The following MINDY1 variants were observed in gnomAD, a reference collection of about 807,000 sequenced individuals.
The protein encoded by MINDY1 is MINDY lysine 48 deubiquitinase 1, also known as ubiquitin carboxyl-terminal hydrolase MINDY-1.
A neutral mutation model predicts 53.6 loss-of-function variants in MINDY1; 50 were observed. The ratio of observed to expected loss-of-function variants is 0.93; its 90% confidence interval spans 0.74 to 1.18. The LOEUF is 1.18. MINDY1 is among the 50% of genes most tolerant of loss of function. MINDY1 has a pLI of 0.00. For synonymous variants in MINDY1, 231 were observed against 234.7 expected (o/e 0.98, Z 0.14); for missense variants, 484 against 578.6 (o/e 0.84, Z 1.68).
rs1018543765 is a variant in MINDY1, at chr1:150,999,153, G to T, written c.981+216C>A. 6.6e-6 allele frequency among the ~76,000 whole-genome samples: 1 copy of T among 152,074 alleles called. No individual in the cohort carries two copies. Among genetic ancestry groups the T allele is most frequent in the Non-Finnish European group, 1.5e-5 (1 of 68,030 alleles). On this transcript the variant is annotated intron_variant, in intron 7 of 9. Transcript: ENST00000683666. This position sits in a 1 kb window ranked among gnomAD's most constrained non-coding sequence, Gnocchi z 4.4. ...CCAGATAAAGGATCTTTTGTCAGCT[G>T]GGTCCCAGAGTGAAGATGGTGTGGG...
In MINDY1 at chr1:151,002,113, G is replaced by T; in HGVS notation, c.453+52C>A. ...TCAGGATGATCAAGGAAGTAAGTCA[G>T]GGAAGAGTACTCCCTGATATTTTTT... On this transcript the variant is annotated intron_variant, in intron 2 of 9. Transcript: ENST00000683666. This position sits in a 1 kb window ranked among gnomAD's most constrained non-coding sequence, Gnocchi z 4.1. 6.6e-7 allele frequency: 1 copy of T among 1,511,632 alleles called. No homozygotes were observed. Among genetic ancestry groups the T allele is most frequent in the South Asian group, 1.3e-5 (1 of 77,148 alleles). 93.6% of individuals were successfully genotyped at this position (1,511,632 alleles called of 1,614,324 possible).
In MINDY1 at chr1:150,997,278, G is replaced by A. The variant is rs755969150; in HGVS notation, c.*9C>T. 1.8e-5 allele frequency: 28 copies of A among 1,580,608 alleles called. No individual in the cohort carries two copies. Among genetic ancestry groups the A allele is most frequent in the Non-Finnish European group, 2.4e-5 (28 of 1,161,218 alleles). ...AGAAGGGGCAGGCCAGCCTGGCACT[G>A]GGGCAGAGCTACAGCAGAATGCAGT... On this transcript the variant is annotated 3_prime_UTR_variant, in exon 10 of 10. Transcript: ENST00000683666.
downstream of MINDY1, chr1:150,996,553 T>G (rs1671862913): frequency 1.3e-5 from 2 of 152,050 alleles, no homozygotes; most frequent in South Asian, 4.2e-4. Context: ...AGAAGGTTTT[T>G]TTTTTTTTTA....
chr1:151,003,136 T>C (rs909329730), intron 1 of MINDY1, among the ~76,000 whole-genome samples: 7 of 152,142 alleles, frequency 4.6e-5, no homozygotes, highest in Admixed American at 1.3e-4. Context: ...AACCCCCTCA[T>C]AGCCATGACA....
chr1:150,997,562 T>C (rs753715264), intron 9 of MINDY1, 62 bp downstream of exon 9: 1 of 1,601,622 alleles, frequency 6.2e-7, no homozygotes, highest in Non-Finnish European at 8.5e-7. Flanking sequence ...ATAACAGGTG[T>C]TCTGGACCCG....
chr1:151,004,524 G>A (rs1167440638), intron 1 of MINDY1, among the ~76,000 whole-genome samples: 3 of 151,972 alleles, frequency 2.0e-5, no homozygotes, highest in Non-Finnish European at 2.9e-5. Context: ...GAGGTCAGGA[G>A]ATCGAGACCA....
chr1:151,008,323 G>T, upstream of MINDY1: 1 of 1,317,762 alleles, frequency 7.6e-7, no homozygotes. Flanking sequence ...CGGAGTTGCG[G>T]GACTACGTTT....
At chr1:151,005,951 G>A in intron 1 of MINDY1, 1 of 1,041,972 alleles carries the variant, frequency 9.6e-7, no homozygotes, top group Non-Finnish European at 1.3e-6. Flanking sequence ...GTAGCTTCAA[G>A]AAGACACTCC....
In MINDY1 at chr1:151,002,519, C is replaced by T; in HGVS notation, c.99G>A (p.Glu33=). ...ENHEVLAGPD[E]HPQDTDARDA... ...CTCTTGCATCTGTGTCCTGAGGGTG[C>T]TCATCTGGGCCTGCCAGAACCTCAT... Residue 33 remains glutamate (E), a synonymous_variant, in exon 2 of 10, where the codon GAG becomes GAA. Coordinates refer to ENST00000683666, the MANE Select transcript of MINDY1 (RefSeq NM_001376665.1). The surrounding 1 kb of genome is among the most constrained non-coding windows in gnomAD (Gnocchi z 4.1). 3 of 1,614,190 alleles carry T rather than the reference C, an allele frequency of 1.9e-6. No individual in the cohort carries two copies. Among genetic ancestry groups the T allele is most frequent in the Non-Finnish European group, 2.5e-6 (3 of 1,180,030 alleles).
rs746043508 is a variant in MINDY1 at position 151,001,293 on chromosome 1, T to C, written c.533A>G (p.Lys178Arg). Reference sequence around the variant, plus strand: ...AAGTCCCTCTGACTTCTCCTGGGGCTTGATGGACAGGAGGCAGTTTCCTAC... The same window carrying C: ...AAGTCCCTCTGACTTCTCCTGGGGCCTGATGGACAGGAGGCAGTTTCCTAC... ...AHLGNCLLSI[K>R]PQEKSEGLQL... The change falls in exon 4 of 10, where the codon AAG becomes AGG. Residue 178 changes from lysine to arginine, a missense_variant. Physicochemically the swap from Lys to Arg is conservative, Grantham distance 26 (BLOSUM62 2). Coordinates refer to ENST00000683666, the MANE Select transcript of MINDY1 (RefSeq NM_001376665.1). 114 of 1,614,042 alleles carry C rather than the reference T, an allele frequency of 7.1e-5. No individual in the cohort carries two copies. Among genetic ancestry groups the C allele is most frequent in the Non-Finnish European group, 9.2e-5 (109 of 1,180,028 alleles).
intron 4 of MINDY1, among the ~76,000 whole-genome samples, chr1:151,001,010 C>T (rs1385634188): frequency 6.6e-6 from 1 of 152,022 alleles, no homozygotes; most frequent in East Asian, 1.9e-4. Flanking sequence ...AGGCTGGCCT[C>T]GAACTCCTGG....
In MINDY1 at chr1:151,002,928, G is replaced by A; in HGVS notation, c.-89-222C>T. On this transcript the variant is annotated intron_variant, in intron 1 of 9. Coordinates refer to ENST00000683666, the MANE Select transcript of MINDY1 (RefSeq NM_001376665.1). The surrounding 1 kb of genome is among the most constrained non-coding windows in gnomAD (Gnocchi z 4.1). ...TCGTGGGGCTTCCAGACTTGGGAGGGAAGACTGGTGGGATTGAACACATGG... is the reference window on the plus strand; with the variant it reads ...TCGTGGGGCTTCCAGACTTGGGAGGAAAGACTGGTGGGATTGAACACATGG... The A allele has an allele frequency of 7.4e-7, 1 of 1,353,928 alleles. No individual in the cohort carries two copies. The highest frequency in any genetic ancestry group is 9.5e-7 in the Non-Finnish European group (1 of 1,053,178). 83.9% of individuals were successfully genotyped at this position (1,353,928 alleles called of 1,614,324 possible). A position where few individuals can be genotyped will look rare whatever the true frequency, so the allele number is the denominator to read the frequency against.
rs375127079 is a variant in MINDY1 at position 151,000,647 on chromosome 1, T to C, written c.577-32A>G. The C allele has an allele frequency of 4.4e-6, 7 of 1,590,364 alleles. No homozygotes were observed. The African/African-American group carries it at 8.1e-5, about 18-fold the overall frequency. ...GTAGAAAAAAAAATGATGGAGATTC[T>C]AGCCTTCTCTCCCACCACTCCACTC... On this transcript the variant is annotated intron_variant, in intron 4 of 9. Coordinates refer to ENST00000683666, the MANE Select transcript of MINDY1 (RefSeq NM_001376665.1).
rs1167153458 is a variant in MINDY1, at chr1:151,006,583, T to A, written c.-361A>T. The A allele has an allele frequency of 1.0e-6, 1 of 992,274 alleles. No homozygotes were observed. Among genetic ancestry groups the A allele is most frequent in the Non-Finnish European group, 1.2e-6 (1 of 834,696 alleles). 61.5% of individuals were successfully genotyped at this position (992,274 alleles called of 1,614,324 possible). On this transcript the variant is annotated 5_prime_UTR_variant, in exon 1 of 10. An upstream open reading frame in the 5' UTR gains an earlier in-frame stop. Coordinates refer to ENST00000683666, the MANE Select transcript of MINDY1 (RefSeq NM_001376665.1). ...GTGCTCCAGGTCGCTCAGAGAGTCT[T>A]CAGGATTCCTGAGTCGCCGAGTCTA...
intron 7 of MINDY1, 37 bp from the exon 8 acceptor site, chr1:150,998,310 T>C (rs1219732099): frequency 6.4e-7 from 1 of 1,568,318 alleles, no homozygotes; most frequent in African/African-American, 1.4e-5. Context: ...GGGGGGACAG[T>C]TGATACGGAG....
rs770653066 is a variant in MINDY1, at chr1:150,997,360, C to T, written c.1337G>A (p.Gly446Glu). The T allele has an allele frequency of 5.0e-5, 80 of 1,600,190 alleles. No homozygotes were observed. Among genetic ancestry groups the T allele is most frequent in the South Asian group, 2.5e-4 (22 of 88,882 alleles). The change falls in exon 10 of 10, where the codon GGA becomes GAA. Residue 446 changes from glycine to glutamate, a missense_variant. Coordinates refer to ENST00000683666, the MANE Select transcript of MINDY1 (RefSeq NM_001376665.1). ...CCCGGCTGGGCGTCCAGATGTGGCT[C>T]CTCTCCCCTGTATCGGATTTAACAA... is the stretch of plus-strand genomic sequence containing the variant. ...RTRVLSLQGR[G>E]ATSGRPAGER...
intron 5 of MINDY1, 77 bp downstream of exon 5, chr1:151,000,380 C>A (rs772931318): frequency 2.0e-6 from 3 of 1,484,364 alleles, no homozygotes; most frequent in South Asian, 1.3e-5. Context: ...AACTCCCTAA[C>A]CTCTACCCGA....
intron 8 of MINDY1, 99 bp downstream of exon 8, chr1:150,997,983 G>A: frequency 7.5e-7 from 1 of 1,329,938 alleles, no homozygotes; most frequent in Non-Finnish European, 1.0e-6. Flanking sequence ...CAGAGAGAGA[G>A]GCATGGGTTC....
intron 4 of MINDY1, 80 bp downstream of exon 4, chr1:151,001,170 C>G (rs1672522561): frequency 7.1e-7 from 1 of 1,414,892 alleles, no homozygotes; most frequent in Non-Finnish European, 9.9e-7. Context: ...TCTGAAGAAG[C>G]AACAAAAGCT....
Sources: allele counts gnomAD v4.1 joint callset (sites outside exome capture counted in the v4.1 genomes callset), GRCh38; gene constraint gnomAD v4.1.1; non-coding constraint Gnocchi (gnomAD v3.1); transcripts MANE v1.5; gene names NCBI Gene and HGNC (gene_info 2026-07-23, HGNC 2026-07-21).